RPS14: variants seen among roughly 807,000 people sequenced by gnomAD.
The protein encoded by RPS14 is small ribosomal subunit protein uS11.
RPS14 carries 1 observed loss-of-function variant against 15.4 expected under a neutral mutation model. The observed-to-expected ratio is 0.07, with a 90% CI of 0.02 to 0.31. RPS14 has a LOEUF of 0.31. RPS14 is among the 10% of genes least tolerant of loss of function. RPS14 has a pLI of 1.00. For missense variants in RPS14, 69 were observed against 205.5 expected, an observed-to-expected ratio of 0.34 and a Z score of 4.06; for synonymous variants, 68 against 74.4, an observed-to-expected ratio of 0.91 and a Z score of 0.44.
chr5:150,447,338 G>C, intron 2 of RPS14: 1 of 564,836 alleles, frequency 1.8e-6, no homozygotes, highest in South Asian at 2.2e-5. Flanking sequence ...AAGGGAACTA[G>C]GGAAAGAAGA....
intron 3 of RPS14, 99 bp from the exon 4 acceptor site, chr5:150,445,784 A>G (rs893768958): frequency 1.2e-5 from 11 of 909,568 alleles, no homozygotes; most frequent in South Asian, 3.0e-5. Context: ...GAGGTCTGCA[A>G]ACTTTCTGTA....
At chr5:150,445,739 T>C (rs1183575951) in intron 3 of RPS14, 54 bp from the exon 4 acceptor site, 3 of 1,401,560 alleles carry the variant, frequency 2.1e-6, no homozygotes, top group Non-Finnish European at 3.0e-6. Flanking sequence ...CAATGGAAGA[T>C]CTCCTTTCTA....
chr5:150,446,977 C>T lies in RPS14; in HGVS notation c.150-14G>A. 1 of 1,613,776 alleles carries T rather than the reference C, an allele frequency of 6.2e-7. No homozygotes were observed. Among genetic ancestry groups the T allele is most frequent in the Non-Finnish European group, 8.5e-7 (1 of 1,179,812 alleles). ...CAGATGGTTTCCCTGGGGACAAAAG[C>T]ACAGGGTCATTTCTTCCTCGTCCAA... On this transcript the variant is annotated splice_polypyrimidine_tract_variant and intron_variant, in intron 2 of 4. Transcript: ENST00000407193. This position sits in a 1 kb window ranked among gnomAD's most constrained non-coding sequence, Gnocchi z 4.2.
At chr5:150,447,055 G>A (rs745469941) in intron 2 of RPS14, 92 bp from the exon 3 acceptor site, 2 of 1,468,676 alleles carry the variant, frequency 1.4e-6, no homozygotes, top group Non-Finnish European at 9.3e-7. Context: ...GCTCAGTCAT[G>A]GTGGAGGATG....
rs1039771025 is a variant in RPS14, at chr5:150,447,523, G to A, written c.149+62C>T. 6.5e-5 allele frequency: 100 copies of A among 1,538,658 alleles called. 1 individual carries two copies. The highest frequency in any genetic ancestry group is 1.8e-4 in the Admixed American group (11 of 59,794). On this transcript the variant is annotated intron_variant, in intron 2 of 4. Transcript: ENST00000407193. ...AGAGAATCCCCTGAACTGCTAGCCC[G>A]TCCCAGCCATTGCCTTCCTCAGCCT...
At chr5:150,445,560 G>T in intron 4 of RPS14, 49 bp downstream of exon 4, 1 of 1,557,096 alleles carries the variant, frequency 6.4e-7, no homozygotes, top group Non-Finnish European at 8.9e-7. Flanking sequence ...GCTTTTTGGG[G>T]CCAATGCTTC....
chr5:150,445,698 G>A lies in RPS14; in HGVS notation c.312-13C>T. ...AGGGGTCTTGGTCCTAGAAAATGAA[G>A]GTTTAAGTTAAGAAGAGCCTTTGGC... On this transcript the variant is annotated splice_polypyrimidine_tract_variant and intron_variant, in intron 3 of 4. Transcript: ENST00000407193. The A allele has an allele frequency of 2.5e-6, 4 of 1,601,996 alleles. No individual in the cohort carries two copies. The highest frequency in any genetic ancestry group is 3.4e-6 in the Non-Finnish European group (4 of 1,174,598).
chr5:150,449,097 A>G (rs1225372434), intron 1 of RPS14: 2 of 152,244 alleles, frequency 1.3e-5, no homozygotes, highest in African/African-American at 4.8e-5. Flanking sequence ...AGTGGTCATC[A>G]GGAGTATATA....
chr5:150,443,613 GC>G lies in RPS14; in HGVS notation c.*672del, dbSNP rs1265276946. 6.6e-6 allele frequency: 1 copy of G among 152,346 alleles called. No homozygotes were observed. Among genetic ancestry groups the G allele is most frequent in the Non-Finnish European group, 1.5e-5 (1 of 68,138 alleles). 9.4% of individuals were successfully genotyped at this position (152,346 alleles called of 1,614,324 possible). A position where few individuals can be genotyped will look rare whatever the true frequency, so the allele number is the denominator to read the frequency against. On this transcript the variant is annotated 3_prime_UTR_variant, in exon 5 of 5. Transcript: ENST00000407193. ...TCTCACTAACCCTACCCAGCCACCA[GC>G]CTGTCCTAACCATGGCAGGCACCAT...
rs1771105868 is a variant in RPS14 at position 150,446,603 on chromosome 5, A to C, written c.311+199T>G. 6.6e-6 allele frequency among the ~76,000 whole-genome samples: 1 copy of C among 152,158 alleles called. No homozygotes were observed. The highest frequency in any genetic ancestry group is 6.5e-5 in the Admixed American group (1 of 15,280). ...CCCATCACTCTCTTCTAGTACCTGA[A>C]ACACAGCTCCTAGTATACAGTGGGT... On this transcript the variant is annotated intron_variant, in intron 3 of 4. Coordinates refer to ENST00000407193, the MANE Select transcript of RPS14 (RefSeq NM_005617.4). This position sits in a 1 kb window ranked among gnomAD's most constrained non-coding sequence, Gnocchi z 4.2.
At position 150,442,843 on chromosome 5, in the gene RPS14, C is replaced by T. The variant is rs10463295; in HGVS notation, c.*1443G>A. 0.027 allele frequency: 4,171 copies of T among 152,284 alleles called. 352 individuals carry two copies. In the East Asian group the frequency reaches 0.31, roughly 11 times the overall value. 9.4% of individuals were successfully genotyped at this position (152,284 alleles called of 1,614,324 possible). On this transcript the variant is annotated 3_prime_UTR_variant, in exon 5 of 5. Transcript: ENST00000407193. ...CCTCCCAAGTAGCTGGCAGTACAGACGTGTGCCACCATGCCCAGCTAATTT... is the reference window on the plus strand; with the variant it reads ...CCTCCCAAGTAGCTGGCAGTACAGATGTGTGCCACCATGCCCAGCTAATTT...
chr5:150,444,569 C>G lies in RPS14; in HGVS notation c.389-216G>C. The G allele has an allele frequency of 4.5e-6, 3 of 669,996 alleles. No homozygotes were observed. In the South Asian group the frequency reaches 4.7e-5, roughly 10 times the overall value. 41.5% of individuals were successfully genotyped at this position (669,996 alleles called of 1,614,324 possible). ...TTAACTCACTTTCCAGAAAGGGAAA[C>G]AGGCTGAGCTGTGCGCAAGATGTCA... On this transcript the variant is annotated intron_variant, in intron 4 of 4. Transcript: ENST00000407193.
chr5:150,447,957 C>A (rs1771154752), intron 1 of RPS14: 1 of 518,082 alleles, frequency 1.9e-6, no homozygotes. Flanking sequence ...GAGAAGTATC[C>A]TTTCCCCAGA....
chr5:150,445,581 C>T (rs982237848), intron 4 of RPS14, 28 bp downstream of exon 4: 2 of 1,605,806 alleles, frequency 1.2e-6, no homozygotes, highest in African/African-American at 2.7e-5. Flanking sequence ...AAAATAAACC[C>T]AAGCATTAGC....
intron 2 of RPS14, 92 bp from the exon 3 acceptor site, chr5:150,447,055 G>C: frequency 1.4e-6 from 2 of 1,468,678 alleles, no homozygotes; most frequent in Admixed American, 3.5e-5. Context: ...GCTCAGTCAT[G>C]GTGGAGGATG....
At position 150,445,503 on chromosome 5, in the gene RPS14, C is replaced by G. The variant is rs776984507; in HGVS notation, c.388+106G>C. The G allele has an allele frequency of 3.6e-6, 4 of 1,107,734 alleles. No homozygotes were observed. In the East Asian group the frequency reaches 9.5e-5, roughly 26 times the overall value. 68.6% of individuals were successfully genotyped at this position (1,107,734 alleles called of 1,614,324 possible). On this transcript the variant is annotated intron_variant, in intron 4 of 4. Coordinates refer to ENST00000407193, the MANE Select transcript of RPS14 (RefSeq NM_005617.4). The stretch of plus-strand genomic sequence containing the variant: ...AGCCTCCCTTAACAAACTTAACTGC[C>G]AAAAGTGACCAGACCAGCCGCTGCA...
chr5:150,447,681 C>G lies in RPS14; in HGVS notation c.53G>C (p.Gly18Ala). Residue 18 changes from glycine to alanine, a missense_variant, in exon 2 of 5, where the codon GGA (glycine) becomes GCA (alanine). Coordinates refer to ENST00000407193, the MANE Select transcript of RPS14 (RefSeq NM_005617.4). ...EKKEEQVISL[G>A]PQVAEGENVF... ...ATTCTCTCCTTCAGCCACCTGAGGTCCGAGGCTGATGACCTGTTCTTCCTT... is the reference window on the plus strand; with the variant it reads ...ATTCTCTCCTTCAGCCACCTGAGGTGCGAGGCTGATGACCTGTTCTTCCTT... 6.2e-7 allele frequency: 1 copy of G among 1,614,120 alleles called. No homozygotes were observed.
chr5:150,447,823 T>A, intron 1 of RPS14, 88 bp from the exon 2 acceptor site: 2 of 1,375,356 alleles, frequency 1.5e-6, no homozygotes, highest in Non-Finnish European at 2.0e-6. Context: ...ACCCTAGTCC[T>A]GCTTCATGTC....
chr5:150,447,235 CAG>C, intron 2 of RPS14: 1 of 533,716 alleles, frequency 1.9e-6, no homozygotes, highest in South Asian at 2.4e-5. Context: ...AACCAAAACT[CAG>C]AATCTGAGTG....
Sources: gnomAD v4.1 joint callset for allele counts (sites outside exome capture counted in the v4.1 genomes callset) on GRCh38, gnomAD v4.1.1 for gene constraint, Gnocchi (gnomAD v3.1) non-coding constraint, MANE v1.5 for transcripts, NCBI Gene and HGNC (gene_info 2026-07-23, HGNC 2026-07-21) for gene names.